The following MET variants were observed in gnomAD, a reference collection of about 807,000 sequenced individuals.
The protein encoded by MET is MET proto-oncogene, receptor tyrosine kinase, also known as hepatocyte growth factor receptor.
In MET, 48 loss-of-function variants were observed where a neutral mutation model predicts 133.1. The observed-to-expected ratio is 0.36, with a 90% confidence interval of 0.29 to 0.46. MET has a LOEUF of 0.46. Ranked by LOEUF, MET falls within the 20% of genes least tolerant of loss-of-function variation. The pLI is 1.00. For synonymous variants in MET, 628 were observed against 616.5 expected, an observed-to-expected ratio of 1.02 and a Z score of -0.28; for missense variants, 1,442 against 1,695.9, an observed-to-expected ratio of 0.85 and a Z score of 2.63.
chr7:116,680,989 A>G (rs1562873377), intron 1 of MET, among the ~76,000 whole-genome samples: 1 of 152,046 alleles, frequency 6.6e-6, no homozygotes, highest in South Asian at 2.1e-4. Flanking sequence ...AGCTCATGGG[A>G]AAATGGTACC....
chr7:116,769,495 C>A, intron 11 of MET, 150 bp from the exon 12 acceptor site: 2 of 934,504 alleles, frequency 2.1e-6, no homozygotes, highest in Non-Finnish European at 1.6e-6. Flanking sequence ...TTAGCCATCC[C>A]AATTCCCATG....
intron 1 of MET, among the ~76,000 whole-genome samples, chr7:116,689,655 A>G (rs1796704594): frequency 6.9e-6 from 1 of 144,002 alleles, no homozygotes; most frequent in Admixed American, 7.4e-5. Context: ...TGCAGCCTCA[A>G]CCTCCCTAGC....
At chr7:116,780,410 T>C (rs1795123585) in intron 17 of MET, among the ~76,000 whole-genome samples, 1 of 152,182 alleles carries the variant, frequency 6.6e-6, no homozygotes, top group Admixed American at 6.5e-5. Context: ...AAACATTCCC[T>C]GGCAGTGAAC....
intron 2 of MET, among the ~76,000 whole-genome samples, chr7:116,712,703 C>CA (rs1491198455): frequency 1.3e-5 from 2 of 152,078 alleles, no homozygotes; most frequent in South Asian, 2.1e-4. Context: ...CCGTCCCCCC[C>CA]ACACACACCC....
chr7:116,695,466 T>C (rs774685524), intron 1 of MET, among the ~76,000 whole-genome samples: 8 of 152,166 alleles, frequency 5.3e-5, no homozygotes, highest in Non-Finnish European at 1.2e-4. Flanking sequence ...ATCCTTAAAA[T>C]GGTCACGTGA....
Position 116,781,974 on chromosome 7 carries a change from C to A in MET, c.3523-14C>A. On this transcript the variant is annotated splice_polypyrimidine_tract_variant and intron_variant, in intron 17 of 20. Coordinates refer to ENST00000397752, the MANE Select transcript of MET (RefSeq NM_000245.4). The stretch of plus-strand genomic sequence containing the variant: ...ATGCTTAGTTTATGCTTTTCTAACT[C>A]TCTTTGACTGCAGAATCCAACTGTA... 6.5e-7 allele frequency: 1 copy of A among 1,540,658 alleles called. No homozygotes were observed. The highest frequency in any genetic ancestry group is 9.0e-7 in the Non-Finnish European group (1 of 1,113,820).
intron 1 of MET, among the ~76,000 whole-genome samples, chr7:116,683,981 A>G (rs1796453760): frequency 6.6e-6 from 1 of 152,190 alleles, no homozygotes. Context: ...AGTGGTTCAC[A>G]AACCGCTCTC....
At chr7:116,741,569 T>C (rs1424055148) in intron 5 of MET, among the ~76,000 whole-genome samples, 1 of 152,236 alleles carries the variant, frequency 6.6e-6, no homozygotes, top group Non-Finnish European at 1.5e-5. Flanking sequence ...TCCTGTCCGA[T>C]GCATAGATGG....
intron 3 of MET, among the ~76,000 whole-genome samples, chr7:116,734,373 G>T (rs1190211329): frequency 6.6e-6 from 1 of 152,180 alleles, no homozygotes; most frequent in East Asian, 1.9e-4. Flanking sequence ...TTCCTATTGT[G>T]CTTATGTTCA....
intron 1 of MET, among the ~76,000 whole-genome samples, chr7:116,695,396 C>T (rs1796927180): frequency 6.6e-6 from 1 of 152,164 alleles, no homozygotes; most frequent in African/African-American, 2.4e-5. Flanking sequence ...GATAAAATAG[C>T]AAGCATTTAT....
chr7:116,776,238 A>G (rs1794991361), intron 15 of MET, among the ~76,000 whole-genome samples: 1 of 152,222 alleles, frequency 6.6e-6, no homozygotes, highest in Non-Finnish European at 1.5e-5. Flanking sequence ...TTCCTGTGGT[A>G]GCATCCACAC....
intron 15 of MET, 112 bp from the exon 16 acceptor site, chr7:116,777,275 CTT>C (rs1357892881): frequency 2.2e-6 from 2 of 916,174 alleles, no homozygotes; most frequent in African/African-American, 1.7e-5. Context: ...TAAATGTACT[CTT>C]TTGCTGTATA....
At chr7:116,793,193 G>C (rs551631168) in intron 19 of MET, among the ~76,000 whole-genome samples, 1 of 86,258 alleles carries the variant, frequency 1.2e-5, no homozygotes, top group East Asian at 3.6e-4. Flanking sequence ...TTTTTTTTTT[G>C]AGACGGAGTC....
intron 2 of MET, among the ~76,000 whole-genome samples, chr7:116,729,728 AG>A (rs1201335023): frequency 6.6e-6 from 1 of 152,128 alleles, no homozygotes; most frequent in Non-Finnish European, 1.5e-5. Flanking sequence ...CTATCTCCTT[AG>A]GACAGTCAAG....
At chr7:116,776,540 A>G (rs1794998618) in intron 15 of MET, among the ~76,000 whole-genome samples, 1 of 152,166 alleles carries the variant, frequency 6.6e-6, no homozygotes, top group Admixed American at 6.5e-5. Flanking sequence ...ATTAGCTACT[A>G]TGTATTTATA....
At chr7:116,687,600 A>G (rs1796607337) in intron 1 of MET, among the ~76,000 whole-genome samples, 1 of 152,180 alleles carries the variant, frequency 6.6e-6, no homozygotes, top group Non-Finnish European at 1.5e-5. Context: ...CATGATTTCT[A>G]ACAATTCTTG....
chr7:116,761,308 A>G (rs1224255852), intron 10 of MET, among the ~76,000 whole-genome samples: 1 of 152,222 alleles, frequency 6.6e-6, no homozygotes, highest in East Asian at 1.9e-4. Flanking sequence ...AGAACTGTAC[A>G]TTAGAATCGG....
intron 19 of MET, among the ~76,000 whole-genome samples, chr7:116,785,094 A>G (rs1321453622): frequency 1.3e-5 from 2 of 152,158 alleles, no homozygotes; most frequent in South Asian, 2.1e-4. Flanking sequence ...TTTTGACTCC[A>G]TGTCTCATAT....
At chr7:116,729,063 C>T (rs1792896518) in intron 2 of MET, among the ~76,000 whole-genome samples, 1 of 152,212 alleles carries the variant, frequency 6.6e-6, no homozygotes, top group African/African-American at 2.4e-5. Context: ...TCCCTTAGCT[C>T]TGGCTATCTC....
Sources: gnomAD v4.1 joint callset for allele counts (sites outside exome capture counted in the v4.1 genomes callset) on GRCh38, gnomAD v4.1.1 for gene constraint, MANE v1.5 for transcripts, NCBI Gene and HGNC (gene_info 2026-07-23, HGNC 2026-07-21) for gene names.